Variants in RBM27 observed in about 807,000 individuals in gnomAD.
RBM27 encodes the protein RNA binding motif protein 27.
Under a neutral mutation model 135.3 loss-of-function variants are expected in RBM27, and 22 were observed. The observed-to-expected ratio is 0.16, with a 90% CI of 0.12 to 0.23. The LOEUF (loss-of-function observed/expected upper bound fraction) is 0.23. RBM27 is among the 10% of genes least tolerant of loss of function. The probability of loss-of-function intolerance (pLI) is 1.00; values close to 1 mark genes in which losing one functional copy is unlikely to be tolerated. For missense variants in RBM27, 1,009 were observed against 1,281.0 expected, an observed-to-expected ratio of 0.79 and a Z score of 3.24; for synonymous variants, 481 against 442.4, an observed-to-expected ratio of 1.09 and a Z score of -1.10.
chr5:146,214,878 T>C (rs1756123118), intron 1 of RBM27, among the ~76,000 whole-genome samples: 1 of 152,208 alleles, frequency 6.6e-6, no homozygotes. Flanking sequence ...ATGTTTAGAA[T>C]CTGTGATCAT....
chr5:146,237,749 A>G (rs1199365608), intron 8 of RBM27, among the ~76,000 whole-genome samples: 2 of 152,138 alleles, frequency 1.3e-5, no homozygotes, highest in African/African-American at 4.8e-5. Flanking sequence ...GTGCAGTGGC[A>G]CAATCTCAGC....
At chr5:146,209,029 TC>T (rs1755826481) in intron 1 of RBM27, among the ~76,000 whole-genome samples, 1 of 152,192 alleles carries the variant, frequency 6.6e-6, no homozygotes. Flanking sequence ...CGTATCTATC[TC>T]TAATTCACTC....
intron 11 of RBM27, 63 bp from the exon 12 acceptor site, chr5:146,260,682 T>C: frequency 7.1e-7 from 1 of 1,402,850 alleles, no homozygotes; most frequent in Non-Finnish European, 9.6e-7. Flanking sequence ...TTCTTTGTGG[T>C]TATATCTCTT....
At chr5:146,231,886 A>G (rs1031216683) in intron 6 of RBM27, among the ~76,000 whole-genome samples, 1 of 152,190 alleles carries the variant, frequency 6.6e-6, no homozygotes, top group African/African-American at 2.4e-5. Context: ...AAGTGCTGGG[A>G]TTACAGGTGT....
At chr5:146,250,770 C>CTTTTTTTTT (rs58027855) in intron 8 of RBM27, among the ~76,000 whole-genome samples, 45 of 72,676 alleles carry the variant, frequency 6.2e-4, no homozygotes, top group African/African-American at 7.7e-4. Context: ...TTTTTTTGTC[C>CTTTTTTTTT]TTTTTTTTTT....
intron 10 of RBM27, among the ~76,000 whole-genome samples, chr5:146,255,794 T>C (rs1357587569): frequency 6.6e-6 from 1 of 152,160 alleles, no homozygotes; most frequent in Non-Finnish European, 1.5e-5. Flanking sequence ...AATAGTTTTT[T>C]GATTAATTTA....
At chr5:146,252,107 C>T (rs1256347467) in intron 9 of RBM27, among the ~76,000 whole-genome samples, 2 of 152,154 alleles carry the variant, frequency 1.3e-5, no homozygotes, top group Non-Finnish European at 2.9e-5. Context: ...CTTTCAGTGC[C>T]TCGGTAACAA....
chr5:146,231,004 C>A, intron 6 of RBM27, 87 bp downstream of exon 6: 2 of 1,370,032 alleles, frequency 1.5e-6, no homozygotes, highest in Non-Finnish European at 2.0e-6. Context: ...TAGTTATAGT[C>A]CAGTTTATTT....
chr5:146,239,494 T>TTTTTTTTTTTC, intron 8 of RBM27, among the ~76,000 whole-genome samples: 1 of 142,376 alleles, frequency 7.0e-6, no homozygotes, highest in African/African-American at 2.5e-5. Flanking sequence ...TTTTTTTTTT[T>TTTTTTTTTTTC]TGAGACAAAG....
chr5:146,285,539 T>G (rs1561574803), intron 20 of RBM27, among the ~76,000 whole-genome samples: 1 of 152,140 alleles, frequency 6.6e-6, no homozygotes, highest in South Asian at 2.1e-4. Context: ...GAAGCTAGTA[T>G]ATTCACCTCT....
intron 1 of RBM27, among the ~76,000 whole-genome samples, chr5:146,216,465 G>A (rs548435070): frequency 1.3e-5 from 2 of 152,100 alleles, no homozygotes; most frequent in East Asian, 3.9e-4. Context: ...TATATCAAAA[G>A]CTAGTTAACA....
intron 8 of RBM27, among the ~76,000 whole-genome samples, chr5:146,245,612 G>A (rs914739388): frequency 6.6e-6 from 1 of 152,032 alleles, no homozygotes; most frequent in African/African-American, 2.4e-5. Context: ...TAATTCTGTG[G>A]CATTATGTAG....
At chr5:146,232,610 C>G (rs1441492551) in intron 6 of RBM27, among the ~76,000 whole-genome samples, 1 of 151,922 alleles carries the variant, frequency 6.6e-6, no homozygotes, top group African/African-American at 2.4e-5. Context: ...CGCTCTGTCA[C>G]CAGGCAGGAG....
At chr5:146,234,573 A>G (rs1352604912) in intron 7 of RBM27, among the ~76,000 whole-genome samples, 1 of 152,198 alleles carries the variant, frequency 6.6e-6, no homozygotes, top group Non-Finnish European at 1.5e-5. Context: ...GGAGTAAGAA[A>G]TGTTTTAAAA....
At chr5:146,226,960 G>T (rs1314071599) in intron 3 of RBM27, among the ~76,000 whole-genome samples, 1 of 152,234 alleles carries the variant, frequency 6.6e-6, no homozygotes, top group African/African-American at 2.4e-5. Context: ...TAGGAAAGGA[G>T]TCTGAGGTGG....
rs1303835921 is a variant in RBM27 at position 146,288,650 on chromosome 5, T to G, written c.*2620T>G. On this transcript the variant is annotated 3_prime_UTR_variant, in exon 21 of 21. Coordinates refer to ENST00000265271, the MANE Select transcript of RBM27 (RefSeq NM_018989.2). ...CAGCATCTAAAGCAAGTTCTGTCCC[T>G]CTTAATGTGTATGACATCTTTTTAA... 1.3e-5 allele frequency: 2 copies of G among 152,128 alleles called. No homozygotes were observed. The allele number at this position is 152,128 out of a possible 1,614,324, so 9.4% of individuals were successfully genotyped here.
At chr5:146,231,547 C>T (rs944704587) in intron 6 of RBM27, among the ~76,000 whole-genome samples, 1 of 152,024 alleles carries the variant, frequency 6.6e-6, no homozygotes, top group South Asian at 2.1e-4. Flanking sequence ...TTATTTCAAA[C>T]ACTGTATGCC....
At chr5:146,247,019 A>G (rs1184404967) in intron 8 of RBM27, among the ~76,000 whole-genome samples, 1 of 151,926 alleles carries the variant, frequency 6.6e-6, no homozygotes, top group African/African-American at 2.4e-5. Context: ...GCGTGCCACC[A>G]TACCTGGCTG....
intron 1 of RBM27, among the ~76,000 whole-genome samples, chr5:146,211,108 A>G (rs1426505266): frequency 6.6e-6 from 1 of 152,040 alleles, no homozygotes; most frequent in Non-Finnish European, 1.5e-5. Flanking sequence ...CTCTGCCTCT[A>G]CAAAAAAATA....
Sources: allele counts gnomAD v4.1 joint callset (sites outside exome capture counted in the v4.1 genomes callset), GRCh38; gene constraint gnomAD v4.1.1; transcripts MANE v1.5; gene names NCBI Gene and HGNC (gene_info 2026-07-23, HGNC 2026-07-21).